Variants in PKD1L1 observed in about 807,000 individuals in gnomAD.
PKD1L1 encodes the protein polycystin 1 like 1, transient receptor potential channel interacting.
In PKD1L1, 236 loss-of-function variants were observed where a neutral mutation model predicts 323.4. The ratio of observed to expected loss-of-function variants is 0.73; its 90% confidence interval spans 0.66 to 0.81. The LOEUF (loss-of-function observed/expected upper bound fraction) is 0.81. Among genes scored for constraint, PKD1L1 ranks in the 40% least tolerant of loss-of-function variants. PKD1L1 has a pLI of 0.00. For synonymous variants in PKD1L1, 1,344 were observed against 1,335.0 expected (o/e 1.01, Z -0.15); for missense variants, 3,320 against 3,508.0 (o/e 0.95, Z 1.35).
chr7:47,827,294 C>T, intron 45 of PKD1L1, 56 bp downstream of exon 45: 2 of 1,438,178 alleles, frequency 1.4e-6, no homozygotes, highest in South Asian at 1.3e-5. Flanking sequence ...TGGGGTACTC[C>T]CTCCGAGAAG....
chr7:47,775,203 C>A (rs762508081), intron 56 of PKD1L1, 37 bp from the exon 57 acceptor site: 1 of 1,613,320 alleles, frequency 6.2e-7, no homozygotes, highest in East Asian at 2.2e-5. Context: ...TGAAACAACA[C>A]CCCTCTCTCA....
chr7:47,957,862 A>ATATATAT, the PKD1L1 span, among the ~76,000 whole-genome samples: 26 of 134,666 alleles, frequency 1.9e-4, 1 homozygote, highest in Admixed American at 2.3e-4. Context: ...ATTAAAAAAA[A>ATATATAT]ATATATATAT....
intron 13 of PKD1L1, among the ~76,000 whole-genome samples, chr7:47,902,059 A>G (rs59750672): frequency 6.4e-4 from 77 of 120,598 alleles, no homozygotes; most frequent in African/African-American, 1.3e-3. Context: ...GAAAAGAAAA[A>G]AAAGAAAAGA....
chr7:47,851,789 C>A (rs887841548), intron 31 of PKD1L1, among the ~76,000 whole-genome samples: 1 of 151,594 alleles, frequency 6.6e-6, no homozygotes, highest in Non-Finnish European at 1.5e-5. Flanking sequence ...CCTGAATGTA[C>A]AACATGCAGA....
chr7:47,890,951 C>A (rs371250631), intron 15 of PKD1L1, among the ~76,000 whole-genome samples, 188 bp from the exon 16 acceptor site: 96 of 152,310 alleles, frequency 6.3e-4, no homozygotes, highest in African/African-American at 2.2e-3. Context: ...AGCACCACCA[C>A]CTGGGGTGGG....
chr7:47,796,223 A>T, intron 54 of PKD1L1, 73 bp from the exon 55 acceptor site: 1 of 1,240,300 alleles, frequency 8.1e-7, no homozygotes, highest in Non-Finnish European at 1.1e-6. Flanking sequence ...AACGTGATAA[A>T]CTATGCAATG....
chr7:47,800,726 A>G lies in PKD1L1; in HGVS notation c.8116T>C (p.Ser2706Pro). The change falls in exon 54 of 57, where the codon TCC becomes CCC. Residue 2706 changes from serine to proline, a missense_variant. By Grantham distance (74) the Ser-to-Pro change is moderately conservative. Transcript: ENST00000289672. ...GCCATGGCCCGCTGGTCAGACTTGG[A>G]AAGGCCAAGGAGGCAGTCTTTTTGG... ...RSQKDCLLGL[S>P]KSDQRAMACY... is the part of the protein sequence containing the mutation. 6.2e-7 allele frequency: 1 copy of G among 1,614,194 alleles called. No homozygotes were observed. Among genetic ancestry groups the G allele is most frequent in the Non-Finnish European group, 8.5e-7 (1 of 1,180,044 alleles).
At chr7:47,957,862 A>ATATATATATATATATATATATATATAT in the PKD1L1 span, among the ~76,000 whole-genome samples, 9 of 134,662 alleles carry the variant, frequency 6.7e-5, no homozygotes, top group South Asian at 7.0e-4. Flanking sequence ...ATTAAAAAAA[A>ATATATATATATATATATATATATATAT]ATATATATAT....
intron 31 of PKD1L1, among the ~76,000 whole-genome samples, chr7:47,850,824 T>C (rs987475421): frequency 6.6e-6 from 1 of 152,074 alleles, no homozygotes; most frequent in Non-Finnish European, 1.5e-5. Context: ...ACAAAAAATC[T>C]AGAAAGAAAT....
In PKD1L1 at chr7:47,880,750, C is replaced by T. The variant is rs750434315; in HGVS notation, c.3498G>A (p.Thr1166=). 8.7e-6 allele frequency: 14 copies of T among 1,608,118 alleles called. No homozygotes were observed. The highest frequency in any genetic ancestry group is 1.7e-4 in the Middle Eastern group (1 of 6,038). Residue 1166 remains threonine, a synonymous_variant, in exon 21 of 57, where the codon ACG becomes ACA. Coordinates refer to ENST00000289672, the MANE Select transcript of PKD1L1 (RefSeq NM_138295.5). The part of the protein sequence containing the change: ...IKPYSLSSGE[T]YVLQVSVASK... ...TACCCACAGACACTTGCAGGACGTA[C>T]GTCTCTCCACTGCTCAGAGAGTATG...
chr7:47,817,946 C>G, intron 46 of PKD1L1: 1 of 992,546 alleles, frequency 1.0e-6, no homozygotes, highest in Non-Finnish European at 1.4e-6. Flanking sequence ...TTTCTTTTTT[C>G]TTACGAAGAA....
chr7:47,786,898 G>T (rs1048434191), intron 56 of PKD1L1, among the ~76,000 whole-genome samples: 1 of 152,182 alleles, frequency 6.6e-6, no homozygotes, highest in East Asian at 1.9e-4. Flanking sequence ...TAAGGGGGCC[G>T]AGCTGGCAAG....
chr7:47,814,052 T>C, intron 47 of PKD1L1, 38 bp from the exon 48 acceptor site: 1 of 1,571,798 alleles, frequency 6.4e-7, no homozygotes, highest in Non-Finnish European at 8.7e-7. Context: ...CTGGGTGTGC[T>C]GTGGACTTCA....
At chr7:47,898,300 T>G (rs927500098) in intron 13 of PKD1L1, 106 bp from the exon 14 acceptor site, 61 of 928,588 alleles carry the variant, frequency 6.6e-5, no homozygotes, top group Admixed American at 2.8e-4. Context: ...CATTATTTGT[T>G]TGCATAGTGA....
In PKD1L1 at chr7:47,800,816, C is replaced by T. The variant is rs1290564934; in HGVS notation, c.8026G>A (p.Val2676Ile). The T allele has an allele frequency of 6.2e-6, 10 of 1,613,922 alleles. No homozygotes were observed. In the African/African-American group the frequency reaches 9.4e-5, roughly 15 times the overall value. The stretch of plus-strand genomic sequence containing the variant: ...TCTGTGAAGGTGCCAGGTGGTAGAA[C>T]CCACATAGAGAGCAGAAATCGGTGC... ...HLHRFLLSMW[V>I]LPPGTFTDAF... The change falls in exon 54 of 57, where the codon GTT (valine) becomes ATT (isoleucine). Residue 2676 changes from valine (V) to isoleucine (I), a missense_variant. Coordinates refer to ENST00000289672, the MANE Select transcript of PKD1L1 (RefSeq NM_138295.5).
intron 34 of PKD1L1, 61 bp downstream of exon 34, chr7:47,842,901 C>A: frequency 6.8e-7 from 1 of 1,471,666 alleles, no homozygotes; most frequent in Non-Finnish European, 9.2e-7. Flanking sequence ...ACCAAATCCT[C>A]ACTTCTGATG....
intron 31 of PKD1L1, among the ~76,000 whole-genome samples, chr7:47,850,167 A>G (rs536632817): frequency 3.0e-4 from 46 of 152,352 alleles, no homozygotes; most frequent in African/African-American, 1.1e-3. Flanking sequence ...AACTACTGAA[A>G]TAAAATAAAA....
At chr7:47,885,542 A>G in intron 18 of PKD1L1, 144 bp downstream of exon 18, 1 of 1,118,332 alleles carries the variant, frequency 8.9e-7, no homozygotes, top group Non-Finnish European at 1.3e-6. Flanking sequence ...CACAACCAGC[A>G]AGTGGTGGGT....
At chr7:47,856,968 G>C (rs1283303288) in intron 28 of PKD1L1, among the ~76,000 whole-genome samples, 2 of 152,140 alleles carry the variant, frequency 1.3e-5, no homozygotes, top group African/African-American at 4.8e-5. Context: ...GGTGACCCTG[G>C]GGTCATTCAC....
Sources: gnomAD v4.1 joint callset for allele counts (sites outside exome capture counted in the v4.1 genomes callset) on GRCh38, gnomAD v4.1.1 for gene constraint, MANE v1.5 for transcripts, NCBI Gene and HGNC (gene_info 2026-07-23, HGNC 2026-07-21) for gene names.